Variants in THSD7B observed in about 807,000 individuals in gnomAD.
The protein encoded by THSD7B is thrombospondin type 1 domain containing 7B, also known as thrombospondin type-1 domain-containing protein 7B.
THSD7B carries 138 observed loss-of-function variants against 213.6 expected under a neutral mutation model. That is an observed-to-expected ratio of 0.65 (90% CI 0.56 to 0.74). THSD7B has a LOEUF of 0.74. THSD7B is among the 30% of genes least tolerant of loss of function. The pLI is 0.00. For synonymous variants in THSD7B, 742 were observed against 687.0 expected (o/e 1.08, Z -1.25); for missense variants, 1,931 against 1,991.5 (o/e 0.97, Z 0.58).
chr2:137,243,648 G>C (rs1430634325), intron 10 of THSD7B, among the ~76,000 whole-genome samples: 1 of 152,216 alleles, frequency 6.6e-6, no homozygotes, highest in Non-Finnish European at 1.5e-5. Context: ...CATATCTATA[G>C]CATCACTTCG....
At chr2:137,537,684 T>C (rs1386014088) in intron 15 of THSD7B, among the ~76,000 whole-genome samples, 3 of 151,740 alleles carry the variant, frequency 2.0e-5, no homozygotes, top group Non-Finnish European at 3.0e-5. Context: ...GAGTAAAACT[T>C]GATTTCAAAT....
chr2:137,052,231 A>C (rs192719772), intron 2 of THSD7B, among the ~76,000 whole-genome samples: 21 of 152,278 alleles, frequency 1.4e-4, no homozygotes, highest in African/African-American at 4.8e-4. Flanking sequence ...TTCCTCTCAC[A>C]AAAAGGGTAG....
intron 7 of THSD7B, among the ~76,000 whole-genome samples, chr2:137,220,894 G>A (rs1681353852): frequency 6.6e-6 from 1 of 152,128 alleles, no homozygotes; most frequent in South Asian, 2.1e-4. Flanking sequence ...AACCTAAATT[G>A]CACTTTGCTG....
Position 137,153,959 on chromosome 2 carries a change from TTGAG to T in THSD7B, c.1370-6249_1370-6246del, listed in dbSNP as rs1372022359. ...CATGGAATTGGGGAGTTCTGAGTCT[TTGAG>T]TGAGCATTTCCTTTCGGGTTTACAG... On this transcript the variant is annotated intron_variant, in intron 5 of 27. Transcript: ENST00000409968. Among the ~76,000 whole-genome samples, 6 of 152,282 alleles carry T rather than the reference TTGAG, an allele frequency of 3.9e-5. 1 individual carries two copies. In the South Asian group the frequency reaches 6.2e-4, roughly 16 times the overall value.
chr2:137,446,529 A>AT (rs538071442), intron 14 of THSD7B, among the ~76,000 whole-genome samples: 15 of 151,990 alleles, frequency 9.9e-5, no homozygotes, highest in South Asian at 2.1e-4. Context: ...CTGTAATAGG[A>AT]TTTTTTTTGA....
intron 3 of THSD7B, among the ~76,000 whole-genome samples, chr2:137,085,560 G>C (rs2104908717): frequency 6.6e-6 from 1 of 152,032 alleles, no homozygotes; most frequent in South Asian, 2.1e-4. Flanking sequence ...AAAAGTTGGA[G>C]ACTAATTTAG....
At chr2:136,974,839 C>G (rs1685454711) in intron 2 of THSD7B, among the ~76,000 whole-genome samples, 1 of 152,184 alleles carries the variant, frequency 6.6e-6, no homozygotes, top group Admixed American at 6.5e-5. Flanking sequence ...GTTCCTGTCT[C>G]TCTTCAGGTT....
chr2:137,204,799 T>C (rs1680949203), intron 7 of THSD7B, among the ~76,000 whole-genome samples: 1 of 150,402 alleles, frequency 6.6e-6, no homozygotes, highest in Non-Finnish European at 1.5e-5. Flanking sequence ...TCATTTTTCA[T>C]AGATTATGAT....
At chr2:137,346,365 T>C (rs1401407880) in intron 12 of THSD7B, among the ~76,000 whole-genome samples, 2 of 151,690 alleles carry the variant, frequency 1.3e-5, no homozygotes, top group Non-Finnish European at 3.0e-5. Flanking sequence ...TTATTTCCCT[T>C]AGCATGATGT....
At chr2:136,998,942 A>G (rs2104823170) in intron 2 of THSD7B, among the ~76,000 whole-genome samples, 1 of 149,822 alleles carries the variant, frequency 6.7e-6, no homozygotes, top group Admixed American at 6.7e-5. Context: ...ACACACACAC[A>G]CACACACACA....
At chr2:137,607,309 G>T (rs555872371) in intron 17 of THSD7B, among the ~76,000 whole-genome samples, 2 of 151,964 alleles carry the variant, frequency 1.3e-5, no homozygotes, top group South Asian at 4.1e-4. Context: ...CTCTATTTCT[G>T]TCTCTACACA....
At chr2:137,318,818 G>A (rs1168534723) in intron 12 of THSD7B, among the ~76,000 whole-genome samples, 2 of 106,768 alleles carry the variant, frequency 1.9e-5, no homozygotes, top group South Asian at 3.6e-4. Context: ...TTTTGAGATG[G>A]AGTCTCACTC....
intron 12 of THSD7B, among the ~76,000 whole-genome samples, chr2:137,284,322 C>G (rs1387251963): frequency 6.6e-6 from 1 of 152,034 alleles, no homozygotes; most frequent in East Asian, 1.9e-4. Flanking sequence ...AGTGATCAAT[C>G]AATTTTGTTG....
chr2:137,092,145 C>T (rs769999511), intron 3 of THSD7B, among the ~76,000 whole-genome samples: 3 of 152,198 alleles, frequency 2.0e-5, no homozygotes, highest in Non-Finnish European at 2.9e-5. Context: ...AGGCTGGGCT[C>T]GATCCTGGGC....
chr2:137,254,723 C>A (rs1558974681), intron 10 of THSD7B, among the ~76,000 whole-genome samples: 1 of 152,132 alleles, frequency 6.6e-6, no homozygotes, highest in Non-Finnish European at 1.5e-5. Flanking sequence ...TTTCTTATCC[C>A]ATGCAAAGTT....
intron 7 of THSD7B, among the ~76,000 whole-genome samples, chr2:137,204,297 C>T (rs1442880074): frequency 6.6e-6 from 1 of 151,786 alleles, no homozygotes; most frequent in East Asian, 1.9e-4. Flanking sequence ...ACAAAAAGAG[C>T]AAAATTGGGG....
intron 4 of THSD7B, among the ~76,000 whole-genome samples, chr2:137,112,773 G>A (rs1036698095): frequency 7.2e-4 from 20 of 27,746 alleles, no homozygotes; most frequent in East Asian, 1.2e-3. Context: ...GTTAATGTAC[G>A]TGTGTGTGTG....
At chr2:137,399,216 C>T (rs200481923) in intron 12 of THSD7B, among the ~76,000 whole-genome samples, 1 of 147,228 alleles carries the variant, frequency 6.8e-6, no homozygotes, top group African/African-American at 2.5e-5. Flanking sequence ...TTTTTAAACA[C>T]AAGTCTTGCT....
chr2:136,808,318 G>C (rs921910763), intron 1 of THSD7B, among the ~76,000 whole-genome samples: 1 of 152,140 alleles, frequency 6.6e-6, no homozygotes, highest in African/African-American at 2.4e-5. Flanking sequence ...CTCCAGTGAG[G>C]TTATGTCATA....
Sources: allele counts gnomAD v4.1 joint callset (sites outside exome capture counted in the v4.1 genomes callset), GRCh38; gene constraint gnomAD v4.1.1; transcripts MANE v1.5; gene names NCBI Gene and HGNC (gene_info 2026-07-23, HGNC 2026-07-21).